Variants in SRGAP3 observed in about 807,000 individuals in gnomAD.
SRGAP3 encodes the protein SLIT-ROBO Rho GTPase activating protein 3.
A neutral mutation model predicts 121.1 loss-of-function variants in SRGAP3; 39 were observed. The observed-to-expected ratio is 0.32, with a 90% CI of 0.25 to 0.42. SRGAP3 has a LOEUF of 0.42. Among genes scored for constraint, SRGAP3 ranks in the 10% least tolerant of loss-of-function variants. The pLI, the probability that SRGAP3 is intolerant of heterozygous loss-of-function variation, is 1.00. For missense variants in SRGAP3, 1,213 were observed against 1,470.6 expected, an observed-to-expected ratio of 0.82 and a Z score of 2.86; for synonymous variants, 601 against 570.0, an observed-to-expected ratio of 1.05 and a Z score of -0.77.
chr3:9,175,123 T>C (rs939144549), intron 1 of SRGAP3, among the ~76,000 whole-genome samples: 3 of 152,112 alleles, frequency 2.0e-5, no homozygotes, highest in Non-Finnish European at 4.4e-5. Flanking sequence ...AATGGTTTGT[T>C]TGTCAGCCAG....
At chr3:9,253,112 T>G (rs1331826614), upstream of SRGAP3, among the ~76,000 whole-genome samples, 1 of 152,206 alleles carries the variant, frequency 6.6e-6, no homozygotes, top group Non-Finnish European at 1.5e-5. Context: ...TAAATCATCC[T>G]TGTTTTGAAG....
Position 9,276,269 on chromosome 3 carries a change from T to C in SRGAP3, n.442+49741A>G, listed in dbSNP as rs534658454. On this transcript the variant is annotated intron_variant and non_coding_transcript_variant, in intron 3 of 3. Coordinates refer to the SRGAP3 transcript ENST00000490889. ...CCACAGCAAAGCTCTGGGGCTGAGA[T>C]AAAAAGCCTCTGGTGACTAAGGGGT... 6.6e-5 allele frequency among the ~76,000 whole-genome samples: 10 copies of C among 152,218 alleles called. No homozygotes were observed. The South Asian group carries it at 1.2e-3, about 19-fold the overall frequency.
At position 9,037,622 on chromosome 3, in the gene SRGAP3, C is replaced by T. The variant is rs560619165; in HGVS notation, c.1436+441G>A. On this transcript the variant is annotated intron_variant, in intron 11 of 21. Coordinates refer to ENST00000383836, the MANE Select transcript of SRGAP3 (RefSeq NM_014850.4). ...CCAGCTGCGCGCAATCTGAGCCTGG[C>T]CCAAAGCCTTGGTACATGGGGACCT... 437 of 240,438 alleles carry T rather than the reference C, an allele frequency of 1.8e-3. 2 individuals carry two copies. The highest frequency in any genetic ancestry group is 9.4e-3 in the African/African-American group (415 of 44,258). 14.9% of individuals were successfully genotyped at this position (240,438 alleles called of 1,614,324 possible).
intron 12 of SRGAP3, among the ~76,000 whole-genome samples, chr3:9,029,973 T>C (rs1944396415): frequency 1.8e-5 from 2 of 113,238 alleles, no homozygotes; most frequent in African/African-American, 7.9e-5. Flanking sequence ...AGATCCTGTC[T>C]CTACAAAAAA....
At chr3:9,004,499 A>T (rs1174124302) in intron 18 of SRGAP3, among the ~76,000 whole-genome samples, 1 of 152,254 alleles carries the variant, frequency 6.6e-6, no homozygotes, top group Admixed American at 6.5e-5. Flanking sequence ...TGGAGGACTT[A>T]AACATCCCAA....
intron 1 of SRGAP3, among the ~76,000 whole-genome samples, chr3:9,141,750 T>G (rs1949860382): frequency 6.6e-6 from 1 of 152,176 alleles, no homozygotes; most frequent in Non-Finnish European, 1.5e-5. Flanking sequence ...ATGGTGCACA[T>G]CAAGCAACCC....
intron 1 of SRGAP3, among the ~76,000 whole-genome samples, chr3:9,203,935 G>GA (rs1952167081): frequency 6.6e-6 from 1 of 152,184 alleles, no homozygotes; most frequent in Non-Finnish European, 1.5e-5. Flanking sequence ...CACTGATGGG[G>GA]CCTGGTCTCT....
At chr3:9,002,539 A>G (rs1458513985) in intron 18 of SRGAP3, among the ~76,000 whole-genome samples, 1 of 152,186 alleles carries the variant, frequency 6.6e-6, no homozygotes, top group Non-Finnish European at 1.5e-5. Context: ...CACTGGAAAA[A>G]AAAGTGCAAA....
At chr3:9,164,909 A>G (rs1325972630) in intron 1 of SRGAP3, among the ~76,000 whole-genome samples, 2 of 152,370 alleles carry the variant, frequency 1.3e-5, no homozygotes, top group East Asian at 3.9e-4. Context: ...ATAAGCCAGT[A>G]GGAAGGTTCC....
intron 3 of SRGAP3, among the ~76,000 whole-genome samples, chr3:9,317,151 T>C (rs1208292442): frequency 6.6e-6 from 1 of 152,122 alleles, no homozygotes; most frequent in East Asian, 1.9e-4. Flanking sequence ...GAGCACTCAT[T>C]ATATGTGAAT....
chr3:9,325,072 C>T (rs1331457832), intron 3 of SRGAP3, among the ~76,000 whole-genome samples: 2 of 151,886 alleles, frequency 1.3e-5, no homozygotes, highest in African/African-American at 2.4e-5. Context: ...CCAGTCCCAG[C>T]ATGTCATTCA....
chr3:9,275,387 T>G (rs1384358945), intron 3 of SRGAP3, among the ~76,000 whole-genome samples: 1 of 152,144 alleles, frequency 6.6e-6, no homozygotes, highest in Non-Finnish European at 1.5e-5. Context: ...GTCTGGTTAA[T>G]GGAGTACAAC....
intron 1 of SRGAP3, among the ~76,000 whole-genome samples, chr3:9,345,798 A>G (rs900876267): frequency 6.6e-6 from 1 of 151,518 alleles, no homozygotes; most frequent in African/African-American, 2.4e-5. Context: ...AAAAAAAAAA[A>G]AAAAAAGAAA....
intron 20 of SRGAP3, among the ~76,000 whole-genome samples, chr3:8,991,067 G>A (rs531922778): frequency 5.3e-5 from 8 of 152,298 alleles, no homozygotes; most frequent in East Asian, 1.9e-4. Context: ...TTTGGAGCAC[G>A]GTGCTTCCAG....
intron 1 of SRGAP3, among the ~76,000 whole-genome samples, chr3:9,357,953 C>T (rs950007042): frequency 6.6e-6 from 1 of 151,970 alleles, no homozygotes; most frequent in African/African-American, 2.4e-5. Context: ...CGGCTCATTG[C>T]AACCTCTGCT....
At chr3:9,084,238 G>A (rs555200266) in intron 3 of SRGAP3, among the ~76,000 whole-genome samples, 1 of 152,146 alleles carries the variant, frequency 6.6e-6, no homozygotes, top group Non-Finnish European at 1.5e-5. Flanking sequence ...AGAGAGCCAT[G>A]AATTTGCCCA....
chr3:9,064,707 C>T, intron 4 of SRGAP3, 126 bp from the exon 5 acceptor site: 1 of 1,024,944 alleles, frequency 9.8e-7, no homozygotes, highest in Non-Finnish European at 1.4e-6. Context: ...AAAACACACT[C>T]TGGGCACCTG....
intron 1 of SRGAP3, among the ~76,000 whole-genome samples, chr3:9,352,594 T>C (rs74316539): frequency 1.3e-3 from 199 of 152,160 alleles, no homozygotes; most frequent in Admixed American, 2.6e-3. Context: ...TTGTTAACAG[T>C]GTGTAGCTGG....
intron 17 of SRGAP3, 79 bp downstream of exon 17, chr3:9,013,229 C>G: frequency 7.0e-7 from 1 of 1,424,116 alleles, no homozygotes; most frequent in East Asian, 2.4e-5. Flanking sequence ...AGTAAGAAAA[C>G]TGAAGGGTTT....
Sources: allele counts gnomAD v4.1 joint callset (sites outside exome capture counted in the v4.1 genomes callset), GRCh38; gene constraint gnomAD v4.1.1; transcripts MANE v1.5; gene names NCBI Gene and HGNC (gene_info 2026-07-23, HGNC 2026-07-21).